Variants in CXCL3 observed in about 807,000 individuals in gnomAD.
CXCL3 encodes C-X-C motif chemokine ligand 3, also known as C-X-C motif chemokine 3.
A neutral mutation model predicts 11.5 loss-of-function variants in CXCL3; 10 were observed. That is an observed-to-expected ratio of 0.87 (90% confidence interval 0.54 to 1.48). The LOEUF is 1.48. Ranked by LOEUF, CXCL3 falls within the 40% of genes most tolerant of loss-of-function variation. The pLI, the probability that CXCL3 is intolerant of heterozygous loss-of-function variation, is 0.00. For synonymous variants in CXCL3, 61 were observed against 60.9 expected (o/e 1.00, Z -0.01); for missense variants, 149 against 139.1 (o/e 1.07, Z -0.36).
intron 3 of CXCL3, chr4:74,037,528 A>C (rs1720022447): frequency 7.9e-6 from 4 of 504,594 alleles, no homozygotes; most frequent in South Asian, 4.8e-5. Flanking sequence ...CATATTGGTC[A>C]CTGATTGTCA....
chr4:74,038,184 G>A lies in CXCL3; in HGVS notation c.225-8C>T. The A allele has an allele frequency of 1.2e-6, 2 of 1,614,022 alleles. No homozygotes were observed. Among genetic ancestry groups the A allele is most frequent in the Non-Finnish European group, 1.7e-6 (2 of 1,179,984 alleles). ...CCATTCTTGAGTGTGGCTCTGCAGA[G>A]AGAAGGGAATTCCGTGAGACAGGAG... On this transcript the variant is annotated splice_polypyrimidine_tract_variant and splice_region_variant and intron_variant, in intron 2 of 3. Coordinates refer to ENST00000296026, the MANE Select transcript of CXCL3 (RefSeq NM_002090.3).
rs760681177 is a variant in CXCL3, at chr4:74,038,389, C to T, written c.125G>A (p.Arg42His). 39 of 1,614,122 alleles carry T rather than the reference C, an allele frequency of 2.4e-5. No homozygotes were observed. The highest frequency in any genetic ancestry group is 3.3e-5 in the Non-Finnish European group (39 of 1,179,994). Residue 42 changes from arginine to histidine, a missense_variant, in exon 2 of 4, where the codon CGC becomes CAC. By Grantham distance (29) the Arg-to-His change is conservative (BLOSUM62 0). Coordinates refer to ENST00000296026, the MANE Select transcript of CXCL3 (RefSeq NM_002090.3). ...AAGASVVTEL[R>H]CQCLQTLQGI... The stretch of plus-strand genomic sequence containing the variant: ...CTGCAGTGTCTGCAAGCACTGGCAG[C>T]GCAGTTCAGTGACCACGGACGCTCC...
intron 3 of CXCL3, 99 bp from the exon 4 acceptor site, chr4:74,037,376 C>G: frequency 4.9e-6 from 7 of 1,431,648 alleles, no homozygotes; most frequent in Non-Finnish European, 6.9e-6. Context: ...AGACTCTCTC[C>G]CAGCCCTCCA....
rs1375969110 is a variant in CXCL3 at position 74,036,666 on chromosome 4, A to G, written c.*596T>C. On this transcript the variant is annotated 3_prime_UTR_variant, in exon 4 of 4. Coordinates refer to ENST00000296026, the MANE Select transcript of CXCL3 (RefSeq NM_002090.3). ...ATGATAAATTCTCTTTTCCAAGGGA[A>G]AGAGAAACGCTGCAGAATGGACATT... is the stretch of plus-strand genomic sequence containing the variant. 6.6e-6 allele frequency: 1 copy of G among 152,232 alleles called. No homozygotes were observed. Among genetic ancestry groups the G allele is most frequent in the Non-Finnish European group, 1.5e-5 (1 of 68,030 alleles). The allele number at this position is 152,232 out of a possible 1,614,324, so 9.4% of individuals were successfully genotyped here.
Position 74,038,400 on chromosome 4 carries a change from G to T in CXCL3, c.114C>A (p.Val38=). The T allele has an allele frequency of 7.4e-6, 12 of 1,614,090 alleles. No individual in the cohort carries two copies. The highest frequency in any genetic ancestry group is 1.3e-5 in the African/African-American group (1 of 75,058). ...GCAAGCACTGGCAGCGCAGTTCAGT[G>T]ACCACGGACGCTCCTAGGGAAGAAT... ...ASRRAAGASV[V]TELRCQCLQT... is the part of the protein sequence containing the mutation. The change falls in exon 2 of 4, where the codon GTC becomes GTA. Residue 38 remains valine (V), a synonymous_variant. Coordinates refer to ENST00000296026, the MANE Select transcript of CXCL3 (RefSeq NM_002090.3).
At chr4:74,038,261 T>C in intron 2 of CXCL3, 29 bp downstream of exon 2, 1 of 1,613,320 alleles carries the variant, frequency 6.2e-7, no homozygotes, top group Non-Finnish European at 8.5e-7. Context: ...ACCCCAGCGG[T>C]GGCAGCGGAA....
At position 74,038,585 on chromosome 4, in the gene CXCL3, G is replaced by C. The variant is rs1408861824; in HGVS notation, c.27C>G (p.Ala9=). 9 of 1,486,626 alleles carry C rather than the reference G, an allele frequency of 6.1e-6. No homozygotes were observed. The highest frequency in any genetic ancestry group is 6.2e-6 in the Non-Finnish European group (7 of 1,120,868). The allele number at this position is 1,486,626 out of a possible 1,614,324, so 92.1% of individuals were successfully genotyped here. The change falls in exon 1 of 4, where the codon GCC becomes GCG. Residue 9 remains alanine (A), a synonymous_variant. Transcript: ENST00000296026. MAHATLSA[A]PSNPRLLRVA... ...CCCGCAGGAGCCGGGGATTGCTGGG[G>C]GCGGCGGAGAGCGTGGCGTGGGCCA...
At position 74,037,055 on chromosome 4, in the gene CXCL3, A is replaced by C; in HGVS notation, c.*207T>G. ...AAACACACTCACATCTTTAAATAACAGCATGTAAAATATTAAAATACAAGC... is the reference window on the plus strand; with the variant it reads ...AAACACACTCACATCTTTAAATAACCGCATGTAAAATATTAAAATACAAGC... On this transcript the variant is annotated 3_prime_UTR_variant, in exon 4 of 4. Coordinates refer to ENST00000296026, the MANE Select transcript of CXCL3 (RefSeq NM_002090.3). The C allele has an allele frequency of 1.9e-6, 1 of 532,410 alleles. No individual in the cohort carries two copies. Among genetic ancestry groups the C allele is most frequent in the Non-Finnish European group, 3.3e-6 (1 of 299,142 alleles). The allele number at this position is 532,410 out of a possible 1,614,324, so 33.0% of individuals were successfully genotyped here.
rs1236618328 is a variant in CXCL3, at chr4:74,037,034, ACACT to A, written c.*224_*227del. 4.1e-5 allele frequency: 20 copies of A among 487,006 alleles called. No homozygotes were observed. The highest frequency in any genetic ancestry group is 5.9e-5 in the Non-Finnish European group (16 of 270,834). 30.2% of individuals were successfully genotyped at this position (487,006 alleles called of 1,614,324 possible). On this transcript the variant is annotated 3_prime_UTR_variant, in exon 4 of 4. Transcript: ENST00000296026. ...AGGACTGAGCTATGTTTGATGAAAC[ACACT>A]CACATCTTTAAATAACAGCATGTAA...
At chr4:74,037,455 T>TG (rs1315101947) in intron 3 of CXCL3, 178 bp from the exon 4 acceptor site, 2 of 627,998 alleles carry the variant, frequency 3.2e-6, no homozygotes, top group Non-Finnish European at 5.4e-6. Context: ...ATGCTTTTTT[T>TG]TTTTTTTTCA....
intron 3 of CXCL3, 85 bp from the exon 4 acceptor site, chr4:74,037,362 A>T: frequency 6.6e-7 from 1 of 1,518,918 alleles, no homozygotes; most frequent in Non-Finnish European, 9.1e-7. Flanking sequence ...GGATGTCCCC[A>T]TGCAGACTCT....
At chr4:74,038,489 G>A (rs958682864) in intron 1 of CXCL3, 23 bp downstream of exon 1, 2 of 1,567,972 alleles carry the variant, frequency 1.3e-6, no homozygotes, top group African/African-American at 1.4e-5. Context: ...CCGGCCCGGG[G>A]ACCCCAGGGC....
chr4:74,038,085 C>T lies in CXCL3; in HGVS notation c.308+8G>A. 1 of 1,613,964 alleles carries T rather than the reference C, an allele frequency of 6.2e-7. No individual in the cohort carries two copies. Among genetic ancestry groups the T allele is most frequent in the Non-Finnish European group, 8.5e-7 (1 of 1,179,896 alleles). On this transcript the variant is annotated splice_region_variant and intron_variant, in intron 3 of 3. Coordinates refer to ENST00000296026, the MANE Select transcript of CXCL3 (RefSeq NM_002090.3). ...CAGTCGCCTGTGTATATGGAAATTA[C>T]AACTCACTTGTTCAGTATCTTTTCG...
At position 74,038,629 on chromosome 4, in the gene CXCL3, T is replaced by C; in HGVS notation, c.-18A>G. On this transcript the variant is annotated 5_prime_UTR_variant, in exon 1 of 4. Coordinates refer to ENST00000296026, the MANE Select transcript of CXCL3 (RefSeq NM_002090.3). ...TGGGCCATGGGGCTCAGCAGACGCG[T>C]CGGGAAGCTGTGCGAGAAGCGGGAG... 1 of 1,424,516 alleles carries C rather than the reference T, an allele frequency of 7.0e-7. No homozygotes were observed. The highest frequency in any genetic ancestry group is 3.0e-5 in the East Asian group (1 of 33,126). The allele number at this position is 1,424,516 out of a possible 1,614,324, so 88.2% of individuals were successfully genotyped here. A position where few individuals can be genotyped will look rare whatever the true frequency, so the allele number is the denominator to read the frequency against.
chr4:74,038,290 A>C lies in CXCL3; in HGVS notation c.224T>G (p.Ile75Arg). The C allele has an allele frequency of 6.2e-7, 1 of 1,614,034 alleles. No homozygotes were observed. Among genetic ancestry groups the C allele is most frequent in the African/African-American group, 1.3e-5 (1 of 75,026 alleles). The change falls in exon 2 of 4, where the codon ATA becomes AGA. Residue 75 changes from isoleucine to arginine, a missense_variant and splice_region_variant. Coordinates refer to ENST00000296026, the MANE Select transcript of CXCL3 (RefSeq NM_002090.3). ...PGPHCAQTEV[I>R]ATLKNGKKAC... ...AGCGGAAGCGCGGGGCGGGACTTAC[A>C]TGACTTCGGTTTGGGCGCAGTGGGG...
intron 3 of CXCL3, 84 bp downstream of exon 3, chr4:74,038,009 C>T: frequency 7.3e-7 from 1 of 1,375,586 alleles, no homozygotes. Flanking sequence ...TCTTGGGGTT[C>T]CCTGATTTTA....
In CXCL3 at chr4:74,038,679, C is replaced by G; in HGVS notation, c.-68G>C. 1 of 1,364,574 alleles carries G rather than the reference C, an allele frequency of 7.3e-7. No individual in the cohort carries two copies. Among genetic ancestry groups the G allele is most frequent in the Non-Finnish European group, 9.4e-7 (1 of 1,065,330 alleles). The allele number at this position is 1,364,574 out of a possible 1,614,324, so 84.5% of individuals were successfully genotyped here. ...GAGCTGGCGGGGAGGTGCCTGCGAC[C>G]CGGGCTGTGTGGCTCCCCAAGATCG... On this transcript the variant is annotated 5_prime_UTR_variant, in exon 1 of 4. Coordinates refer to ENST00000296026, the MANE Select transcript of CXCL3 (RefSeq NM_002090.3).
chr4:74,037,710 C>A, intron 3 of CXCL3: 1 of 304,078 alleles, frequency 3.3e-6, no homozygotes, highest in Non-Finnish European at 6.2e-6. Context: ...TGCTCTTCAC[C>A]AAGAAGGCTT....
Position 74,037,008 on chromosome 4 carries a change from C to A in CXCL3, c.*254G>T. On this transcript the variant is annotated 3_prime_UTR_variant, in exon 4 of 4. Transcript: ENST00000296026. ...ACCCATCATATTCCAATTAAATAAT[C>A]AGGACTGAGCTATGTTTGATGAAAC... 2 of 371,734 alleles carry A rather than the reference C, an allele frequency of 5.4e-6. No individual in the cohort carries two copies. Among genetic ancestry groups the A allele is most frequent in the Non-Finnish European group, 9.9e-6 (2 of 202,474 alleles). The allele number at this position is 371,734 out of a possible 1,614,324, so 23.0% of individuals were successfully genotyped here. A position where few individuals can be genotyped will look rare whatever the true frequency, so the allele number is the denominator to read the frequency against.
Sources: allele counts gnomAD v4.1 joint callset, GRCh38; gene constraint gnomAD v4.1.1; transcripts MANE v1.5; gene names NCBI Gene and HGNC (gene_info 2026-07-23, HGNC 2026-07-21).